DCAKD: variants seen among roughly 807,000 people sequenced by gnomAD.
DCAKD encodes dephospho-CoA kinase domain-containing protein.
Under a neutral mutation model 18.7 loss-of-function variants are expected in DCAKD, and 15 were observed. The ratio of observed to expected loss-of-function variants is 0.80; its 90% CI spans 0.54 to 1.24. The LOEUF (loss-of-function observed/expected upper bound fraction) is 1.24, where lower values mean the gene tolerates loss of function less well. Among genes scored for constraint, DCAKD ranks in the 50% most tolerant of loss-of-function variants. DCAKD has a pLI of 0.00. For synonymous variants in DCAKD, 130 were observed against 133.0 expected (o/e 0.98, Z 0.16); for missense variants, 301 against 322.0 (o/e 0.93, Z 0.50).
intron 4 of DCAKD, among the ~76,000 whole-genome samples, chr17:45,027,149 TG>T (rs2053072639): frequency 6.6e-6 from 1 of 152,186 alleles, no homozygotes; most frequent in South Asian, 2.1e-4. Context: ...GAGACCAGCC[TG>T]GGCCACACAG....
chr17:45,049,878 C>A (rs2053654252), intron 1 of DCAKD, among the ~76,000 whole-genome samples: 1 of 151,190 alleles, frequency 6.6e-6, no homozygotes, highest in Admixed American at 6.6e-5. Context: ...CGCCACCACA[C>A]CCAGCTAATT....
At chr17:45,058,669 A>G (rs1385421056) in intron 1 of DCAKD, among the ~76,000 whole-genome samples, 15 of 146,064 alleles carry the variant, frequency 1.0e-4, no homozygotes, top group Admixed American at 7.5e-4. Flanking sequence ...TGATCCACCC[A>G]CCTCGGCTTC....
At chr17:45,025,665 G>T (rs1159142751) in intron 4 of DCAKD, among the ~76,000 whole-genome samples, 1 of 152,000 alleles carries the variant, frequency 6.6e-6, no homozygotes, top group Non-Finnish European at 1.5e-5. Context: ...TACCATTTGG[G>T]GTCTTTCTGC....
chr17:45,034,627 G>T, intron 2 of DCAKD, 147 bp downstream of exon 2: 1 of 961,074 alleles, frequency 1.0e-6, no homozygotes, highest in South Asian at 1.7e-5. Context: ...AGCAGAGAAG[G>T]CAAGCACGGG....
intron 1 of DCAKD, among the ~76,000 whole-genome samples, chr17:45,039,457 G>C (rs960752807): frequency 6.6e-6 from 1 of 152,164 alleles, no homozygotes; most frequent in African/African-American, 2.4e-5. Flanking sequence ...AGACACCCAG[G>C]CTCCATCTAC....
Position 45,024,510 on chromosome 17 carries a change from A to G in DCAKD, c.619T>C (p.Phe207Leu), listed in dbSNP as rs1189009777. Residue 207 changes from phenylalanine (F) to leucine (L), a missense_variant, in exon 5 of 5, where the codon TTT becomes CTT. Coordinates refer to ENST00000651974, the MANE Select transcript of DCAKD (RefSeq NM_001288655.2). ...GCAGCGAGCCCTGTGAGGACCCCAA[A>G]CCTCAGCGGCAGGTACTCCAGGGAG... ...ERSLEYLPLR[F>L]GVLTGLAAIA... The G allele has an allele frequency of 6.2e-7, 1 of 1,614,070 alleles. No homozygotes were observed. Among genetic ancestry groups the G allele is most frequent in the Non-Finnish European group, 8.5e-7 (1 of 1,179,968 alleles).
intron 4 of DCAKD, 56 bp downstream of exon 4, chr17:45,030,036 G>T: frequency 6.6e-7 from 1 of 1,507,092 alleles, no homozygotes; most frequent in Non-Finnish European, 9.2e-7. Flanking sequence ...GATGTGGGCT[G>T]TTTCCCAGAT....
intron 4 of DCAKD, among the ~76,000 whole-genome samples, chr17:45,027,961 G>T (rs2053089708): frequency 6.7e-6 from 1 of 149,854 alleles, no homozygotes; most frequent in African/African-American, 2.5e-5. Context: ...ACTCCACCTT[G>T]GGTGACAGAG....
intron 1 of DCAKD, among the ~76,000 whole-genome samples, chr17:45,046,697 A>C (rs923998005): frequency 6.6e-6 from 1 of 151,692 alleles, no homozygotes; most frequent in East Asian, 1.9e-4. Context: ...GAATGAGAAC[A>C]CTTAGGTGAT....
At chr17:45,053,973 T>C (rs1263798050), upstream of DCAKD, 1 of 466,370 alleles carries the variant, frequency 2.1e-6, no homozygotes, top group Non-Finnish European at 4.3e-6. Context: ...ACTACTACAA[T>C]ACCCAGTGCC....
chr17:45,060,398 G>A (rs1421053217), intron 1 of DCAKD, among the ~76,000 whole-genome samples: 3 of 152,058 alleles, frequency 2.0e-5, no homozygotes, highest in Non-Finnish European at 4.4e-5. Flanking sequence ...GGTGGCTCAT[G>A]CCTATAGTCC....
At chr17:45,045,911 T>C (rs367839549) in intron 1 of DCAKD, among the ~76,000 whole-genome samples, 13,648 of 151,556 alleles carry the variant, frequency 0.09, 720 homozygotes, top group East Asian at 0.15. Context: ...CTGCAACCTC[T>C]ACCTCCTGGG....
At chr17:45,043,561 C>T (rs1425630844) in intron 1 of DCAKD, among the ~76,000 whole-genome samples, 1 of 152,180 alleles carries the variant, frequency 6.6e-6, no homozygotes, top group Non-Finnish European at 1.5e-5. Context: ...TCTCATCACA[C>T]ACACCGGAGG....
intron 1 of DCAKD, among the ~76,000 whole-genome samples, chr17:45,036,797 G>A (rs1265057548): frequency 6.6e-6 from 1 of 152,200 alleles, no homozygotes; most frequent in African/African-American, 2.4e-5. Flanking sequence ...TTCCCAGGCT[G>A]GAAGCAATTA....
intron 1 of DCAKD, among the ~76,000 whole-genome samples, chr17:45,049,502 T>C (rs535569056): frequency 9.2e-5 from 14 of 151,782 alleles, no homozygotes; most frequent in African/African-American, 1.5e-4. Flanking sequence ...TTTTTTTTTT[T>C]CAAAAGATGA....
Position 45,031,261 on chromosome 17 carries a change from G to C in DCAKD, c.317-1082C>G. 3 of 985,288 alleles carry C rather than the reference G, an allele frequency of 3.0e-6. No homozygotes were observed. In the South Asian group the frequency reaches 1.4e-4, roughly 46 times the overall value. 61.0% of individuals were successfully genotyped at this position (985,288 alleles called of 1,614,324 possible). A position where few individuals can be genotyped will look rare whatever the true frequency, so the allele number is the denominator to read the frequency against. On this transcript the variant is annotated intron_variant, in intron 3 of 4. Coordinates refer to ENST00000651974, the MANE Select transcript of DCAKD (RefSeq NM_001288655.2). Reference sequence around the variant, plus strand: ...GGGGGGGTGGCAATCTCAGCTGCTTGGTTTCCTGTTCCCCAAGACCTGCTG... The same window carrying C: ...GGGGGGGTGGCAATCTCAGCTGCTTCGTTTCCTGTTCCCCAAGACCTGCTG...
exon 1 of DCAKD, chr17:45,060,961 G>C: frequency 2.0e-6 from 2 of 994,302 alleles, no homozygotes; most frequent in Non-Finnish European, 1.2e-6. Context: ...AGGGCAGGCT[G>C]AAATCAAACC....
intron 4 of DCAKD, among the ~76,000 whole-genome samples, chr17:45,027,170 A>G (rs982516767): frequency 2.0e-5 from 3 of 152,090 alleles, no homozygotes; most frequent in African/African-American, 2.4e-5. Flanking sequence ...GCAAGACCCA[A>G]TCTCTACAAA....
At chr17:45,038,243 A>T (rs1451494202) in intron 1 of DCAKD, among the ~76,000 whole-genome samples, 1 of 151,540 alleles carries the variant, frequency 6.6e-6, no homozygotes, top group East Asian at 1.9e-4. Flanking sequence ...TGCCTGGCTG[A>T]TTTTTTTGTA....
Sources: allele counts gnomAD v4.1 joint callset (sites outside exome capture counted in the v4.1 genomes callset), GRCh38; gene constraint gnomAD v4.1.1; transcripts MANE v1.5; gene names NCBI Gene and HGNC (gene_info 2026-07-23, HGNC 2026-07-21).